RORA: variants seen among roughly 807,000 people sequenced by gnomAD.
RORA encodes RAR related orphan receptor A, also known as nuclear receptor ROR-alpha.
Under a neutral mutation model 69.5 loss-of-function variants are expected in RORA, and 7 were observed. The ratio of observed to expected loss-of-function variants is 0.10; its 90% CI spans 0.06 to 0.19. The LOEUF is 0.19. RORA is among the 10% of genes least tolerant of loss of function. RORA has a pLI of 1.00. For synonymous variants in RORA, 261 were observed against 240.8 expected (o/e 1.08, Z -0.78); for missense variants, 457 against 663.0 (o/e 0.69, Z 3.41).
chr15:61,226,011 C>A lies in RORA; in HGVS notation c.166+3042G>T, dbSNP rs1474179921. Among the ~76,000 whole-genome samples the A allele has an allele frequency of 2.0e-5, 3 of 152,088 alleles. No homozygotes were observed. Among genetic ancestry groups the A allele is most frequent in the African/African-American group, 7.2e-5 (3 of 41,414 alleles). ...AGCAGTTTTATGGACAGGGGAAGGT[C>A]GTCTTTCAGATTATAAAGTCACACA... On this transcript the variant is annotated intron_variant, in intron 1 of 10. Coordinates refer to ENST00000335670, the MANE Select transcript of RORA (RefSeq NM_134261.3). The surrounding 1 kb of genome is among the most constrained non-coding windows in gnomAD (Gnocchi z 4.2).
At chr15:60,808,711 T>C (rs2072696149) in intron 1 of RORA, among the ~76,000 whole-genome samples, 1 of 149,246 alleles carries the variant, frequency 6.7e-6, no homozygotes. Context: ...ATGTTTATAA[T>C]ATATAAAACA....
At chr15:61,059,288 C>T (rs1370655801) in intron 1 of RORA, among the ~76,000 whole-genome samples, 1 of 152,238 alleles carries the variant, frequency 6.6e-6, no homozygotes, top group African/African-American at 2.4e-5. Context: ...GTCAAAACAA[C>T]CAAGATCCTT....
At chr15:60,640,670 A>C (rs1206243074) in intron 2 of RORA, among the ~76,000 whole-genome samples, 1 of 151,386 alleles carries the variant, frequency 6.6e-6, no homozygotes, top group Non-Finnish European at 1.5e-5. Context: ...TTTCCAGAAC[A>C]CTCCAAGTTT....
intron 1 of RORA, among the ~76,000 whole-genome samples, chr15:61,058,789 G>C (rs1233731259): frequency 6.6e-6 from 1 of 152,162 alleles, no homozygotes; most frequent in Non-Finnish European, 1.5e-5. Context: ...TCATTCCACT[G>C]TAAACTAGGC....
intron 1 of RORA, among the ~76,000 whole-genome samples, chr15:61,205,558 C>T (rs781255668): frequency 6.6e-6 from 1 of 152,158 alleles, no homozygotes; most frequent in South Asian, 2.1e-4. Context: ...TAAAATCTCA[C>T]GGAGTTCTCT....
chr15:61,189,856 CAAAAA>C (rs71125907), intron 1 of RORA, among the ~76,000 whole-genome samples: 5 of 42,890 alleles, frequency 1.2e-4, no homozygotes, highest in African/African-American at 4.4e-4. Flanking sequence ...GACTCTGTCT[CAAAAA>C]AAAAAAAAAA....
chr15:60,635,094 C>T (rs1243711579), intron 2 of RORA, among the ~76,000 whole-genome samples: 3 of 152,220 alleles, frequency 2.0e-5, no homozygotes. Flanking sequence ...TGGTTTCTGT[C>T]ACCCAGGCCA....
intron 1 of RORA, among the ~76,000 whole-genome samples, chr15:60,954,439 TAA>T (rs34360652): frequency 3.2e-4 from 44 of 135,416 alleles, no homozygotes; most frequent in Non-Finnish European, 4.3e-4. Context: ...ACTTAAAGTA[TAA>T]AAAAAAAAAA....
intron 1 of RORA, among the ~76,000 whole-genome samples, chr15:60,732,845 G>T (rs2071446944): frequency 6.6e-6 from 1 of 151,342 alleles, no homozygotes; most frequent in Non-Finnish European, 1.5e-5. Context: ...GCACTTACAT[G>T]CTTCTATAAA....
At chr15:61,220,760 G>A (rs1237635551) in intron 1 of RORA, among the ~76,000 whole-genome samples, 1 of 152,120 alleles carries the variant, frequency 6.6e-6, no homozygotes, top group African/African-American at 2.4e-5. Context: ...CGACAAGTTC[G>A]TCATAACTTC....
chr15:61,005,370 C>T (rs554459681), intron 1 of RORA, among the ~76,000 whole-genome samples: 1 of 152,140 alleles, frequency 6.6e-6, no homozygotes, highest in Non-Finnish European at 1.5e-5. Flanking sequence ...ATACCAGCTA[C>T]TCAGGAGGCT....
At chr15:60,946,336 TGCC>T (rs150507300) in intron 1 of RORA, among the ~76,000 whole-genome samples, 1,566 of 152,344 alleles carry the variant, frequency 0.01, 27 homozygotes, top group African/African-American at 0.035. Context: ...GGGACTGTAC[TGCC>T]GCCATCTCTG....
chr15:61,161,881 A>G (rs2079499034), intron 1 of RORA, among the ~76,000 whole-genome samples: 1 of 152,218 alleles, frequency 6.6e-6, no homozygotes, highest in Non-Finnish European at 1.5e-5. Context: ...CAATAGTTCA[A>G]TAAATTATGG....
At chr15:60,527,800 G>A (rs1220398627) in intron 3 of RORA, among the ~76,000 whole-genome samples, 1 of 152,200 alleles carries the variant, frequency 6.6e-6, no homozygotes, top group Non-Finnish European at 1.5e-5. Context: ...ACTAGCCACA[G>A]AAAGTGACCC....
At chr15:60,727,070 G>C (rs1274115345) in intron 1 of RORA, among the ~76,000 whole-genome samples, 8 of 152,154 alleles carry the variant, frequency 5.3e-5, no homozygotes, top group Non-Finnish European at 8.8e-5. Context: ...GCTGGTTTTT[G>C]TCCCCAGCAA....
intron 1 of RORA, among the ~76,000 whole-genome samples, chr15:61,026,671 A>G (rs886899754): frequency 6.6e-6 from 1 of 152,234 alleles, no homozygotes; most frequent in African/African-American, 2.4e-5. Flanking sequence ...GTCAAGAGAC[A>G]TGTTTATTAA....
chr15:60,724,206 A>T (rs1468260897), intron 1 of RORA, among the ~76,000 whole-genome samples: 2 of 152,162 alleles, frequency 1.3e-5, no homozygotes, highest in African/African-American at 2.4e-5. Flanking sequence ...AAATACAATT[A>T]CCCTGCTAGA....
chr15:60,770,643 A>C (rs1157239355), intron 1 of RORA, among the ~76,000 whole-genome samples: 2 of 152,138 alleles, frequency 1.3e-5, no homozygotes, highest in Non-Finnish European at 2.9e-5. Flanking sequence ...ACCCAGTCTC[A>C]TTTTGTTGCC....
chr15:61,016,999 T>C (rs1477509483), intron 1 of RORA, among the ~76,000 whole-genome samples: 1 of 152,220 alleles, frequency 6.6e-6, no homozygotes, highest in Non-Finnish European at 1.5e-5. Context: ...CTATAAAACA[T>C]ATCATAAAAG....
Sources: gnomAD v4.1 joint callset for allele counts (sites outside exome capture counted in the v4.1 genomes callset) on GRCh38, gnomAD v4.1.1 for gene constraint, Gnocchi (gnomAD v3.1) non-coding constraint, MANE v1.5 for transcripts, NCBI Gene and HGNC (gene_info 2026-07-23, HGNC 2026-07-21) for gene names.